NDUFS1: variants seen among roughly 807,000 people sequenced by gnomAD.
The protein encoded by NDUFS1 is NADH:ubiquinone oxidoreductase core subunit S1, also known as NADH-ubiquinone oxidoreductase 75 kDa subunit, mitochondrial.
NDUFS1 carries 61 observed loss-of-function variants against 84.4 expected under a neutral mutation model. The ratio of observed to expected loss-of-function variants is 0.72; its 90% CI spans 0.59 to 0.89. The LOEUF is 0.89. NDUFS1 is among the 40% of genes least tolerant of loss of function. The pLI is 0.00. For missense variants in NDUFS1, 891 were observed against 890.0 expected (o/e 1.00, Z -0.01); for synonymous variants, 275 against 290.0 (o/e 0.95, Z 0.53).
Position 206,123,318 on chromosome 2 carries a change from A to G in NDUFS1, c.*867T>C, listed in dbSNP as rs1691159456. The G allele has an allele frequency of 1.3e-5, 2 of 151,000 alleles. No individual in the cohort carries two copies. The highest frequency in any genetic ancestry group is 2.4e-5 in the African/African-American group (1 of 41,024). 9.4% of individuals were successfully genotyped at this position (151,000 alleles called of 1,614,324 possible). On this transcript the variant is annotated 3_prime_UTR_variant, in exon 19 of 19. Coordinates refer to ENST00000233190, the MANE Select transcript of NDUFS1 (RefSeq NM_005006.7). ...TCCAAGGGAGGTCTCATAAGTATAC[A>G]TGCATACATGTATAACTTATAAAAA...
intron 1 of NDUFS1, among the ~76,000 whole-genome samples, chr2:206,156,930 A>C: frequency 6.6e-6 from 1 of 152,180 alleles, no homozygotes; most frequent in East Asian, 1.9e-4. Flanking sequence ...GCTGAATTCA[A>C]CTTAGGCAAT....
chr2:206,135,620 G>A (rs971472100), intron 13 of NDUFS1, among the ~76,000 whole-genome samples: 9 of 151,422 alleles, frequency 5.9e-5, no homozygotes, highest in African/African-American at 1.9e-4. Context: ...GCAGTGAGCC[G>A]AGATCATGCC....
At position 206,123,787 on chromosome 2, in the gene NDUFS1, C is replaced by T. The variant is rs1691176341; in HGVS notation, c.*398G>A. 1 of 166,052 alleles carries T rather than the reference C, an allele frequency of 6.0e-6. No homozygotes were observed. The allele number at this position is 166,052 out of a possible 1,614,324, so 10.3% of individuals were successfully genotyped here. A position where few individuals can be genotyped will look rare whatever the true frequency, so the allele number is the denominator to read the frequency against. ...ATGATTATGTATTTTTCCTATTTAC[C>T]CAGCTTGACAAGGTGCTTAAATCTT... On this transcript the variant is annotated 3_prime_UTR_variant, in exon 19 of 19. Coordinates refer to ENST00000233190, the MANE Select transcript of NDUFS1 (RefSeq NM_005006.7).
At chr2:206,153,246 A>G (rs1164335312) in intron 2 of NDUFS1, among the ~76,000 whole-genome samples, 1 of 147,534 alleles carries the variant, frequency 6.8e-6, no homozygotes, top group African/African-American at 2.5e-5. Flanking sequence ...CCCAGGCTGG[A>G]GTGCAGTGGT....
chr2:206,132,383 A>G (rs187568159), intron 14 of NDUFS1, among the ~76,000 whole-genome samples: 282 of 152,262 alleles, frequency 1.9e-3, no homozygotes, highest in African/African-American at 6.6e-3. Flanking sequence ...CAGGAGTTTG[A>G]GATCAACCTG....
intron 4 of NDUFS1, 78 bp downstream of exon 4, chr2:206,149,740 A>C: frequency 1.9e-6 from 2 of 1,039,852 alleles, no homozygotes; most frequent in Non-Finnish European, 3.0e-6. Flanking sequence ...TACGATATTG[A>C]TTCTAAATAA....
chr2:206,130,057 T>G (rs778522066), intron 15 of NDUFS1, 31 bp downstream of exon 15: 52 of 1,612,286 alleles, frequency 3.2e-5, no homozygotes, highest in Non-Finnish European at 3.6e-5. Flanking sequence ...TACTACTCTC[T>G]TTTGTTTCTG....
At chr2:206,143,054 C>T (rs1180009557) in intron 10 of NDUFS1, among the ~76,000 whole-genome samples, 1 of 152,176 alleles carries the variant, frequency 6.6e-6, no homozygotes, top group African/African-American at 2.4e-5. Flanking sequence ...GACTTTAAGA[C>T]CAGCCTAGCC....
intron 3 of NDUFS1, among the ~76,000 whole-genome samples, chr2:206,150,992 G>T (rs184278684): frequency 4.4e-4 from 67 of 151,968 alleles, no homozygotes; most frequent in African/African-American, 1.4e-3. Flanking sequence ...CATTCCTGAA[G>T]GCCTGTCTAC....
At chr2:206,142,567 G>T in intron 11 of NDUFS1, 119 bp downstream of exon 11, 2 of 1,246,234 alleles carry the variant, frequency 1.6e-6, no homozygotes, top group South Asian at 1.3e-5. Context: ...GTTTGATCTT[G>T]GTCTATATAT....
chr2:206,142,659 C>G, intron 11 of NDUFS1, 27 bp downstream of exon 11: 1 of 1,613,864 alleles, frequency 6.2e-7, no homozygotes, highest in African/African-American at 1.3e-5. Context: ...GAAAGGAAAG[C>G]CTAGATCCTA....
In NDUFS1 at chr2:206,126,660, T is replaced by TA. The variant is rs753673133; in HGVS notation, c.2019+49dup. ...CAATAATATGGAAAACTAGTACTGT[T>TA]ACACCAGTAGATACAACATTATGAA... On this transcript the variant is annotated intron_variant, in intron 17 of 18. Coordinates refer to ENST00000233190, the MANE Select transcript of NDUFS1 (RefSeq NM_005006.7). 3.7e-6 allele frequency: 6 copies of TA among 1,614,098 alleles called. No homozygotes were observed. In the East Asian group the frequency reaches 1.3e-4, roughly 36 times the overall value.
At position 206,126,780 on chromosome 2, in the gene NDUFS1, G is replaced by C; in HGVS notation, c.1949C>G (p.Ser650Cys). The C allele has an allele frequency of 6.2e-7, 1 of 1,614,138 alleles. No homozygotes were observed. The highest frequency in any genetic ancestry group is 1.1e-5 in the South Asian group (1 of 91,082). Residue 650 changes from serine (S) to cysteine (C), a missense_variant, in exon 17 of 19, where the codon TCT becomes TGT. Transcript: ENST00000233190. ...DQVRNRLEEV[S>C]PNLVRYDDIE... is the part of the protein sequence containing the mutation. ...ATCATCATATCGAACAAGATTAGGA[G>C]AGACTTCTTCCAATCTGTTCCTTAC...
intron 2 of NDUFS1, 29 bp downstream of exon 2, chr2:206,153,589 C>A: frequency 7.4e-7 from 1 of 1,354,364 alleles, no homozygotes; most frequent in South Asian, 1.2e-5. Flanking sequence ...GTCTAATATC[C>A]ACGAATGCAA....
chr2:206,125,862 A>G (rs1372643894), intron 18 of NDUFS1, among the ~76,000 whole-genome samples: 13 of 152,128 alleles, frequency 8.5e-5, no homozygotes, highest in Admixed American at 8.5e-4. Flanking sequence ...CTTTGTGTTC[A>G]TAAGTTCGCA....
At position 206,124,262 on chromosome 2, in the gene NDUFS1, C is replaced by T. The variant is rs767122069; in HGVS notation, c.2107G>A (p.Ala703Thr). ...DFYMTDSISR[A>T]SQTMAKCVKA... ...ACACATTTGGCCATTGTCTGTGAGGCTCTGCTAATTGAATCTGAAAGATAT... is the reference window on the plus strand; with the variant it reads ...ACACATTTGGCCATTGTCTGTGAGGTTCTGCTAATTGAATCTGAAAGATAT... Residue 703 changes from alanine (A) to threonine (T), a missense_variant, in exon 19 of 19, where the codon GCC (alanine) becomes ACC (threonine). Physicochemically the swap from Ala to Thr is moderately conservative, Grantham distance 58. Coordinates refer to ENST00000233190, the MANE Select transcript of NDUFS1 (RefSeq NM_005006.7). 1.1e-5 allele frequency: 18 copies of T among 1,611,306 alleles called. No individual in the cohort carries two copies. Among genetic ancestry groups the T allele is most frequent in the South Asian group, 5.5e-5 (5 of 91,046 alleles).
intron 1 of NDUFS1, among the ~76,000 whole-genome samples, chr2:206,158,387 C>T (rs1388416764): frequency 6.6e-6 from 1 of 152,204 alleles, no homozygotes; most frequent in Non-Finnish European, 1.5e-5. Flanking sequence ...CAAATCTTGG[C>T]TTAAAAGCCT....
At chr2:206,136,461 T>A (rs1465815385) in intron 13 of NDUFS1, among the ~76,000 whole-genome samples, 2 of 138,692 alleles carry the variant, frequency 1.4e-5, no homozygotes, top group African/African-American at 5.5e-5. Context: ...TGAGATGGAG[T>A]CTCGCTCTGT....
rs1424695781 is a variant in NDUFS1, at chr2:206,120,904, C to T, written c.*3281G>A. The T allele has an allele frequency of 6.6e-6, 1 of 152,226 alleles. No homozygotes were observed. Among genetic ancestry groups the T allele is most frequent in the Non-Finnish European group, 1.5e-5 (1 of 68,056 alleles). The allele number at this position is 152,226 out of a possible 1,614,324, so 9.4% of individuals were successfully genotyped here. The stretch of plus-strand genomic sequence containing the variant: ...GCCTCCCAAGTAGCTGGGGCTATAG[C>T]TTGTGCCATCATGCTCAGCTATTCA... On this transcript the variant is annotated 3_prime_UTR_variant, in exon 19 of 19. Coordinates refer to ENST00000233190, the MANE Select transcript of NDUFS1 (RefSeq NM_005006.7).
Sources: gnomAD v4.1 joint callset for allele counts (sites outside exome capture counted in the v4.1 genomes callset) on GRCh38, gnomAD v4.1.1 for gene constraint, MANE v1.5 for transcripts, NCBI Gene and HGNC (gene_info 2026-07-23, HGNC 2026-07-21) for gene names.